AGBL4: variants seen among roughly 807,000 people sequenced by gnomAD.
The protein encoded by AGBL4 is cytosolic carboxypeptidase 6.
A neutral mutation model predicts 66.4 loss-of-function variants in AGBL4; 58 were observed. That is an observed-to-expected ratio of 0.87 (90% CI 0.71 to 1.09). The LOEUF (loss-of-function observed/expected upper bound fraction) is 1.09, where lower values mean the gene tolerates loss of function less well. Among genes scored for constraint, AGBL4 ranks in the 50% least tolerant of loss-of-function variants. The pLI is 0.00. For synonymous variants in AGBL4, 234 were observed against 222.9 expected (o/e 1.05, Z -0.44); for missense variants, 579 against 631.0 (o/e 0.92, Z 0.88).
intron 2 of AGBL4, among the ~76,000 whole-genome samples, chr1:49,745,632 A>T (rs1650926463): frequency 6.6e-6 from 1 of 151,994 alleles, no homozygotes; most frequent in African/African-American, 2.4e-5. Context: ...AAGGACATTT[A>T]TGATGTCAAT....
intron 3 of AGBL4, among the ~76,000 whole-genome samples, chr1:49,445,061 T>C (rs1384684699): frequency 6.6e-6 from 1 of 152,076 alleles, no homozygotes; most frequent in Non-Finnish European, 1.5e-5. Context: ...GGTAACAAAT[T>C]CTTTCATCAT....
At chr1:49,632,510 A>G (rs1645590033) in intron 3 of AGBL4, among the ~76,000 whole-genome samples, 1 of 152,194 alleles carries the variant, frequency 6.6e-6, no homozygotes, top group Non-Finnish European at 1.5e-5. Flanking sequence ...CTCCTATGAG[A>G]AGATTCTGTA....
intron 1 of AGBL4, among the ~76,000 whole-genome samples, chr1:49,929,359 A>G (rs993173901): frequency 1.3e-5 from 2 of 152,210 alleles, no homozygotes; most frequent in African/African-American, 4.8e-5. Flanking sequence ...AAAAAAGGAC[A>G]CATTATTCAC....
intron 6 of AGBL4, among the ~76,000 whole-genome samples, chr1:48,705,008 T>C (rs1296794233): frequency 6.6e-6 from 1 of 152,172 alleles, no homozygotes; most frequent in Admixed American, 6.5e-5. Context: ...TACTACAATA[T>C]AGCAATGTCT....
chr1:49,165,518 A>T (rs1249500948), intron 4 of AGBL4, among the ~76,000 whole-genome samples: 1 of 152,112 alleles, frequency 6.6e-6, no homozygotes, highest in African/African-American at 2.4e-5. Flanking sequence ...TCCTACCTCA[A>T]CTAGGCAACT....
chr1:49,566,414 C>G (rs1371205245), intron 3 of AGBL4, among the ~76,000 whole-genome samples: 2 of 152,014 alleles, frequency 1.3e-5, no homozygotes, highest in African/African-American at 2.4e-5. Context: ...CTGTTTTTTC[C>G]CCATCTTTGT....
chr1:49,865,227 A>C (rs1161930256), intron 1 of AGBL4, among the ~76,000 whole-genome samples: 1 of 152,136 alleles, frequency 6.6e-6, no homozygotes, highest in East Asian at 1.9e-4. Flanking sequence ...GATTCGCCCC[A>C]GTGCAGACAG....
At chr1:49,643,235 A>G (rs932946342) in intron 3 of AGBL4, among the ~76,000 whole-genome samples, 1 of 151,892 alleles carries the variant, frequency 6.6e-6, no homozygotes, top group African/African-American at 2.4e-5. Flanking sequence ...CATATTAAAC[A>G]CTGCTATTGG....
At chr1:49,355,157 A>G (rs933184178) in intron 3 of AGBL4, among the ~76,000 whole-genome samples, 35 of 152,222 alleles carry the variant, frequency 2.3e-4, no homozygotes, top group African/African-American at 8.0e-4. Context: ...TTTAATAAAA[A>G]CAACACATAT....
At chr1:49,948,027 A>AATATATAAATATATAAAT (rs1553151826) in intron 1 of AGBL4, among the ~76,000 whole-genome samples, 1 of 75,876 alleles carries the variant, frequency 1.3e-5, no homozygotes, top group Non-Finnish European at 2.2e-5. Context: ...AATATATATA[A>AATATATAAATATATAAAT]ATATATATAC....
intron 6 of AGBL4, among the ~76,000 whole-genome samples, chr1:48,796,529 C>T (rs893835007): frequency 6.6e-6 from 1 of 152,134 alleles, no homozygotes. Context: ...TGGAAGGAAG[C>T]ACTGGAGGTT....
intron 9 of AGBL4, among the ~76,000 whole-genome samples, chr1:48,596,709 T>A (rs1453741602): frequency 6.6e-6 from 1 of 152,146 alleles, no homozygotes; most frequent in Non-Finnish European, 1.5e-5. Flanking sequence ...GCTCCCAAAG[T>A]GCTGGGTTTA....
chr1:49,575,593 A>G (rs1644419838), intron 3 of AGBL4, among the ~76,000 whole-genome samples: 1 of 152,238 alleles, frequency 6.6e-6, no homozygotes, highest in Non-Finnish European at 1.5e-5. Flanking sequence ...TGTGCAGAAG[A>G]CAGATGGATA....
Position 49,816,748 on chromosome 1 carries a change from T to C in AGBL4, c.157+34648A>G, listed in dbSNP as rs536347878. ...AGACTAGTGACCAGGGTTTGTCTCT[T>C]GTATATTAGATAACAAGACTAATTG... On this transcript the variant is annotated intron_variant, in intron 2 of 13. Coordinates refer to ENST00000371839, the MANE Select transcript of AGBL4 (RefSeq NM_032785.4). Among the ~76,000 whole-genome samples, 10 of 152,328 alleles carry C rather than the reference T, an allele frequency of 6.6e-5. 1 individual carries two copies. In the South Asian group the frequency reaches 1.7e-3, roughly 25 times the overall value.
chr1:49,937,930 A>G (rs952888512), intron 1 of AGBL4, among the ~76,000 whole-genome samples: 23 of 152,178 alleles, frequency 1.5e-4, no homozygotes, highest in Non-Finnish European at 2.2e-4. Context: ...ATCACAATTA[A>G]AAGAACTAGA....
intron 5 of AGBL4, among the ~76,000 whole-genome samples, chr1:48,930,205 T>A (rs1654923985): frequency 6.6e-6 from 1 of 151,630 alleles, no homozygotes; most frequent in Non-Finnish European, 1.5e-5. Flanking sequence ...GTGTAAGGGA[T>A]TAAGGGCTTA....
intron 4 of AGBL4, among the ~76,000 whole-genome samples, chr1:49,230,618 G>C (rs1226609266): frequency 1.3e-5 from 2 of 152,120 alleles, no homozygotes. Flanking sequence ...GGTTTCAGTT[G>C]CACTAAAGAA....
chr1:49,673,167 A>G, intron 3 of AGBL4, among the ~76,000 whole-genome samples: 1 of 152,148 alleles, frequency 6.6e-6, no homozygotes. Flanking sequence ...GCAGTAAGTC[A>G]TTACTTAAGT....
intron 3 of AGBL4, among the ~76,000 whole-genome samples, chr1:49,387,699 A>G (rs970478625): frequency 1.3e-5 from 2 of 152,048 alleles, no homozygotes; most frequent in Non-Finnish European, 2.9e-5. Context: ...CAAAACACCA[A>G]TCCTAGTTAT....
Sources: allele counts gnomAD v4.1 joint callset (sites outside exome capture counted in the v4.1 genomes callset), GRCh38; gene constraint gnomAD v4.1.1; transcripts MANE v1.5; gene names NCBI Gene and HGNC (gene_info 2026-07-23, HGNC 2026-07-21).